The following CLDN16 variants were observed in gnomAD, a reference collection of about 807,000 sequenced individuals.
CLDN16 encodes claudin 16, also known as claudin-16.
Under a neutral mutation model 24.6 loss-of-function variants are expected in CLDN16, and 13 were observed. That is an observed-to-expected ratio of 0.53 (90% CI 0.34 to 0.84). The LOEUF (loss-of-function observed/expected upper bound fraction) is 0.84, where lower values mean the gene tolerates loss of function less well. Among genes scored for constraint, CLDN16 ranks in the 40% least tolerant of loss-of-function variants. The pLI is 0.01. For synonymous variants in CLDN16, 116 were observed against 106.7 expected (o/e 1.09, Z -0.54); for missense variants, 298 against 292.7 (o/e 1.02, Z -0.13).
chr3:190,312,106 T>C, the CLDN16 span, among the ~76,000 whole-genome samples: 1 of 151,524 alleles, frequency 6.6e-6, no homozygotes, highest in Non-Finnish European at 1.5e-5. Flanking sequence ...AATTTTTGTG[T>C]TTTCAGTAGA....
intron 3 of CLDN16, among the ~76,000 whole-genome samples, chr3:190,378,131 T>G (rs1004394539): frequency 6.6e-6 from 1 of 151,982 alleles, no homozygotes; most frequent in Non-Finnish European, 1.5e-5. Context: ...ATTAAACACA[T>G]GCTTATAATA....
At chr3:190,402,742 T>C (rs560084879) in intron 2 of CLDN16, among the ~76,000 whole-genome samples, 72 of 152,326 alleles carry the variant, frequency 4.7e-4, no homozygotes, top group Non-Finnish European at 8.8e-4. Context: ...AATGGTTTTT[T>C]AATCGAAATA....
chr3:190,321,951 T>A, upstream of CLDN16: 1 of 1,588,386 alleles, frequency 6.3e-7, no homozygotes, highest in African/African-American at 1.3e-5. Context: ...CTGGGGCCTC[T>A]GGACGGCCGC....
At chr3:190,409,206 A>G (rs1403143438) in intron 4 of CLDN16, among the ~76,000 whole-genome samples, 1 of 151,218 alleles carries the variant, frequency 6.6e-6, no homozygotes, top group Non-Finnish European at 1.5e-5. Flanking sequence ...ATATGCATGT[A>G]TATATGCACA....
chr3:190,306,178 T>C, the CLDN16 span: 1 of 152,224 alleles, frequency 6.6e-6, no homozygotes, highest in East Asian at 1.9e-4. Context: ...TTATGAGTTA[T>C]TATGATTCAA....
chr3:190,369,904 G>A (rs573266756), intron 1 of CLDN16, among the ~76,000 whole-genome samples: 2 of 152,034 alleles, frequency 1.3e-5, no homozygotes, highest in East Asian at 1.9e-4. Context: ...TTGAGTAAAA[G>A]GTCTGAGTAG....
chr3:190,322,526 T>TTAATG, upstream of CLDN16: 1 of 314,374 alleles, frequency 3.2e-6, no homozygotes, highest in Non-Finnish European at 6.0e-6. Flanking sequence ...CCTGGCGGTT[T>TTAATG]CAGGGCGGCT....
intron 1 of CLDN16, among the ~76,000 whole-genome samples, chr3:190,335,033 T>C (rs565470526): frequency 0.05 from 5,833 of 117,358 alleles, 387 homozygotes; most frequent in African/African-American, 0.19. Context: ...CTTTTTTTTT[T>C]TTTTTGTTTG....
At chr3:190,306,831 A>G in the CLDN16 span, 3 of 152,782 alleles carry the variant, frequency 2.0e-5, no homozygotes, top group African/African-American at 4.8e-5. Context: ...ACTGAGCCAC[A>G]TGAAGGTATG....
upstream of CLDN16, among the ~76,000 whole-genome samples, chr3:190,321,096 T>C (rs1716905836): frequency 6.6e-6 from 1 of 152,192 alleles, no homozygotes; most frequent in African/African-American, 2.4e-5. Flanking sequence ...TTGTGGAAGA[T>C]GGAAACCTAA....
chr3:190,375,772 G>A (rs777868809), intron 3 of CLDN16, among the ~76,000 whole-genome samples: 14 of 151,794 alleles, frequency 9.2e-5, no homozygotes, highest in Non-Finnish European at 1.8e-4. Flanking sequence ...ATTTTTAGAA[G>A]ATTCGGCTTC....
chr3:190,308,420 G>C, the CLDN16 span: 66 of 1,613,676 alleles, frequency 4.1e-5, no homozygotes, highest in Non-Finnish European at 4.8e-5. Context: ...CCAGTGAAGA[G>C]AGCCTGACCA....
chr3:190,402,311 C>T lies in CLDN16; in HGVS notation c.115-26C>T, dbSNP rs776248582. 14 of 1,552,650 alleles carry T rather than the reference C, an allele frequency of 9.0e-6. No individual in the cohort carries two copies. In the East Asian group the frequency reaches 2.9e-4, roughly 32 times the overall value. On this transcript the variant is annotated intron_variant, in intron 1 of 4. Transcript: ENST00000264734. Reference sequence around the variant, plus strand: ...TGAACTGTGCCTGCATGAATTGTTTCACACGGTGTCTTCTCTAACATCTAG... The same window carrying T: ...TGAACTGTGCCTGCATGAATTGTTTTACACGGTGTCTTCTCTAACATCTAG...
chr3:190,372,427 G>C (rs995285505), intron 2 of CLDN16, among the ~76,000 whole-genome samples: 6 of 151,854 alleles, frequency 4.0e-5, no homozygotes. Context: ...AGTATCACTT[G>C]AGGCCAGGAG....
chr3:190,348,387 T>C (rs1390963104), intron 1 of CLDN16, among the ~76,000 whole-genome samples: 2 of 150,728 alleles, frequency 1.3e-5, no homozygotes, highest in East Asian at 2.0e-4. Flanking sequence ...TGGAAGATTA[T>C]GTTTCTTACA....
At chr3:190,391,461 A>G (rs1718663018) in intron 1 of CLDN16, among the ~76,000 whole-genome samples, 3 of 152,332 alleles carry the variant, frequency 2.0e-5, no homozygotes, top group Non-Finnish European at 2.9e-5. Flanking sequence ...TTTGAGCAAG[A>G]AATAAACGAA....
intron 1 of CLDN16, among the ~76,000 whole-genome samples, chr3:190,341,620 AT>A (rs942976020): frequency 6.6e-6 from 1 of 151,974 alleles, no homozygotes; most frequent in African/African-American, 2.4e-5. Context: ...CCCTGGAGAT[AT>A]TTTTTTCCAT....
At chr3:190,360,222 T>C (rs1717859302) in intron 1 of CLDN16, among the ~76,000 whole-genome samples, 2 of 151,984 alleles carry the variant, frequency 1.3e-5, no homozygotes, top group Admixed American at 6.6e-5. Context: ...TCTAAAATAG[T>C]ATAAACTGTT....
upstream of CLDN16, chr3:190,387,837 C>G: frequency 2.2e-6 from 1 of 461,586 alleles, no homozygotes; most frequent in Non-Finnish European, 4.0e-6. Context: ...TAAAATAGTC[C>G]TAACAATAAA....
Sources: gnomAD v4.1 joint callset for allele counts (sites outside exome capture counted in the v4.1 genomes callset) on GRCh38, gnomAD v4.1.1 for gene constraint, MANE v1.5 for transcripts, NCBI Gene and HGNC (gene_info 2026-07-23, HGNC 2026-07-21) for gene names.